Variants in RFX3 observed in about 807,000 individuals in gnomAD.
The protein encoded by RFX3 is transcription factor RFX3.
In RFX3, 14 loss-of-function variants were observed where a neutral mutation model predicts 98.6. That is an observed-to-expected ratio of 0.14 (90% CI 0.09 to 0.22). The LOEUF is 0.22. RFX3 is among the 10% of genes least tolerant of loss of function. The pLI is 1.00. For missense variants in RFX3, 639 were observed against 926.9 expected (o/e 0.69, Z 4.03); for synonymous variants, 383 against 328.4 (o/e 1.17, Z -1.80).
At chr9:3,343,997 C>A in intron 3 of RFX3, among the ~76,000 whole-genome samples, 1 of 152,148 alleles carries the variant, frequency 6.6e-6, no homozygotes, top group African/African-American at 2.4e-5. Context: ...TTTAAAGAAC[C>A]TACCTTACAA....
intron 1 of RFX3, among the ~76,000 whole-genome samples, chr9:3,508,276 T>C (rs951222133): frequency 1.1e-4 from 16 of 151,968 alleles, no homozygotes; most frequent in African/African-American, 3.1e-4. Context: ...AATCTCTATA[T>C]TCAAATCCCA....
At chr9:3,269,736 T>C (rs1824126440) in intron 11 of RFX3, among the ~76,000 whole-genome samples, 1 of 152,154 alleles carries the variant, frequency 6.6e-6, no homozygotes, top group Non-Finnish European at 1.5e-5. Flanking sequence ...GTTACAAAGA[T>C]TTTTCTCTCA....
intron 14 of RFX3, among the ~76,000 whole-genome samples, chr9:3,254,497 T>C (rs1821846054): frequency 6.6e-6 from 1 of 152,064 alleles, no homozygotes. Flanking sequence ...AAAAACTTGA[T>C]GAATAAAAAG....
intron 5 of RFX3, among the ~76,000 whole-genome samples, chr9:3,293,726 T>C (rs1324295388): frequency 6.6e-6 from 1 of 152,162 alleles, no homozygotes; most frequent in Non-Finnish European, 1.5e-5. Flanking sequence ...ATATTAAAGT[T>C]ACATTCCTTT....
chr9:3,295,395 C>G (rs1025108756), intron 5 of RFX3, among the ~76,000 whole-genome samples: 2 of 151,900 alleles, frequency 1.3e-5, no homozygotes, highest in African/African-American at 4.8e-5. Flanking sequence ...AGTGCTGGTT[C>G]TTGTTTTGTG....
intron 4 of RFX3, among the ~76,000 whole-genome samples, chr9:3,326,818 T>C (rs1326911660): frequency 3.3e-5 from 5 of 152,220 alleles, no homozygotes. Context: ...GTGTTTGCTT[T>C]GTGCTGTTTC....
At chr9:3,348,796 C>T (rs1019256942) in intron 2 of RFX3, among the ~76,000 whole-genome samples, 1 of 151,746 alleles carries the variant, frequency 6.6e-6, no homozygotes, top group African/African-American at 2.4e-5. Flanking sequence ...TAAAATTGTC[C>T]CATTGTTGGC....
chr9:3,349,761 G>A (rs1242136044), intron 2 of RFX3, among the ~76,000 whole-genome samples: 1 of 151,964 alleles, frequency 6.6e-6, no homozygotes, highest in East Asian at 1.9e-4. Context: ...TATACACACT[G>A]TTCTGAACCT....
At chr9:3,503,741 A>C (rs1255465589) in intron 1 of RFX3, among the ~76,000 whole-genome samples, 1 of 152,148 alleles carries the variant, frequency 6.6e-6, no homozygotes, top group Non-Finnish European at 1.5e-5. Context: ...TACAATTCAT[A>C]AATTACTATC....
chr9:3,322,237 T>C (rs1831400230), intron 4 of RFX3, among the ~76,000 whole-genome samples: 1 of 152,196 alleles, frequency 6.6e-6, no homozygotes, highest in Non-Finnish European at 1.5e-5. Flanking sequence ...AAATTTCTTA[T>C]CCAAGAATAT....
At chr9:3,432,294 T>C (rs1264407916) in intron 1 of RFX3, among the ~76,000 whole-genome samples, 4 of 152,072 alleles carry the variant, frequency 2.6e-5, no homozygotes, top group Non-Finnish European at 4.4e-5. Context: ...ACACATTATC[T>C]CTAATTCAGC....
chr9:3,455,485 T>G lies in RFX3; in HGVS notation c.-8-59889A>C, dbSNP rs1015460896. On this transcript the variant is annotated intron_variant, in intron 1 of 16. Transcript: ENST00000617270. ...CATAGCTGCAATTTACATTTACTCATGTAATTACTTGGTTAATGTCTACCT... is the reference window on the plus strand; with the variant it reads ...CATAGCTGCAATTTACATTTACTCAGGTAATTACTTGGTTAATGTCTACCT... Among the ~76,000 whole-genome samples, 11 of 152,362 alleles carry G rather than the reference T, an allele frequency of 7.2e-5. No homozygotes were observed. The East Asian group carries it at 1.3e-3, about 19-fold the overall frequency.
intron 3 of RFX3, 148 bp downstream of exon 3, chr9:3,346,519 T>C: frequency 1.7e-6 from 1 of 595,834 alleles, no homozygotes; most frequent in East Asian, 2.9e-5. Flanking sequence ...AGACAAAAGC[T>C]CTAAACATCA....
intron 2 of RFX3, among the ~76,000 whole-genome samples, chr9:3,366,756 G>T (rs1191577801): frequency 1.7e-4 from 3 of 17,808 alleles, no homozygotes; most frequent in African/African-American, 2.4e-4. Context: ...CTTTCTTTTT[G>T]GCTATTCTTA....
chr9:3,297,270 C>A (rs964166995), intron 5 of RFX3, among the ~76,000 whole-genome samples: 1 of 151,678 alleles, frequency 6.6e-6, no homozygotes, highest in Non-Finnish European at 1.5e-5. Flanking sequence ...ATGCTGACTT[C>A]AAAAGCCCAT....
In RFX3 at chr9:3,221,078, A is replaced by G. The variant is rs1183900653; in HGVS notation, c.*3964T>C. 6.6e-6 allele frequency: 1 copy of G among 152,138 alleles called. No homozygotes were observed. The highest frequency in any genetic ancestry group is 1.5e-5 in the Non-Finnish European group (1 of 68,026). 9.4% of individuals were successfully genotyped at this position (152,138 alleles called of 1,614,324 possible). On this transcript the variant is annotated 3_prime_UTR_variant, in exon 17 of 17. Coordinates refer to ENST00000617270, the MANE Select transcript of RFX3 (RefSeq NM_001282116.2). ...GTGTCTGGGGGATATAATAAAGGTC[A>G]ATTTATTGTATATAACCACTGCCTC...
chr9:3,247,064 A>G, intron 15 of RFX3: 2 of 982,918 alleles, frequency 2.0e-6, no homozygotes, highest in Non-Finnish European at 2.4e-6. Flanking sequence ...TTATTTATAT[A>G]AGCACATACA....
At chr9:3,500,179 G>A (rs1048111824) in intron 1 of RFX3, among the ~76,000 whole-genome samples, 5 of 152,128 alleles carry the variant, frequency 3.3e-5, no homozygotes, top group African/African-American at 1.2e-4. Flanking sequence ...GAGGTGTAAA[G>A]GCAACATCTG....
In RFX3 at chr9:3,330,462, C is replaced by T; in HGVS notation, c.271G>A (p.Gly91Arg). The change falls in exon 4 of 17, where the codon GGG (glycine) becomes AGG (arginine). Residue 91 changes from glycine to arginine, a missense_variant. Gly to Arg is a moderately radical substitution (Grantham distance 125). Around this residue, in one of 9 missense-constraint regions of RFX3, gnomAD observed 210 missense variants for 197.7 expected, o/e 1.06. Transcript: ENST00000617270. The part of the protein sequence containing the change: ...ETQMYSQNTG[G>R]NYFDTQGSSA... ...CTCCCTTGAGTATCAAAGTAATTCCCTCCAGTATTTTGGCTGTACATCTGT... is the reference window on the plus strand; with the variant it reads ...CTCCCTTGAGTATCAAAGTAATTCCTTCCAGTATTTTGGCTGTACATCTGT... The T allele has an allele frequency of 6.2e-7, 1 of 1,613,958 alleles. No homozygotes were observed. The highest frequency in any genetic ancestry group is 8.5e-7 in the Non-Finnish European group (1 of 1,179,902).
Sources: gnomAD v4.1 joint callset for allele counts (sites outside exome capture counted in the v4.1 genomes callset) on GRCh38, gnomAD v4.1.1 for gene constraint, gnomAD v4.1.1 regional missense constraint, MANE v1.5 for transcripts, NCBI Gene and HGNC (gene_info 2026-07-23, HGNC 2026-07-21) for gene names.